CTNND2: variants seen among roughly 807,000 people sequenced by gnomAD.
The protein encoded by CTNND2 is catenin delta 2.
Under a neutral mutation model 144.4 loss-of-function variants are expected in CTNND2, and 22 were observed. The ratio of observed to expected loss-of-function variants is 0.15; its 90% confidence interval spans 0.11 to 0.22. The LOEUF is 0.22. Ranked by LOEUF, CTNND2 falls within the 10% of genes least tolerant of loss-of-function variation. The probability of loss-of-function intolerance (pLI) is 1.00; values close to 1 mark genes in which losing one functional copy is unlikely to be tolerated. For missense variants in CTNND2, 1,353 were observed against 1,618.8 expected, an observed-to-expected ratio of 0.84 and a Z score of 2.82; for synonymous variants, 751 against 695.6, an observed-to-expected ratio of 1.08 and a Z score of -1.25.
chr5:11,567,689 G>A (rs376402296), intron 2 of CTNND2, among the ~76,000 whole-genome samples: 1 of 151,906 alleles, frequency 6.6e-6, no homozygotes, highest in African/African-American at 2.4e-5. Context: ...ATTTCATTTG[G>A]GTCTTTTTTG....
intron 8 of CTNND2, among the ~76,000 whole-genome samples, chr5:11,357,733 A>G (rs1309781751): frequency 6.6e-6 from 1 of 152,188 alleles, no homozygotes; most frequent in Non-Finnish European, 1.5e-5. Context: ...TGATGGATAC[A>G]CACACTGCCC....
chr5:11,893,632 G>A (rs1024553516), intron 1 of CTNND2, among the ~76,000 whole-genome samples: 4 of 152,066 alleles, frequency 2.6e-5, no homozygotes, highest in African/African-American at 4.8e-5. Flanking sequence ...CACATCCATC[G>A]CCTATATTTG....
intron 1 of CTNND2, among the ~76,000 whole-genome samples, chr5:11,891,923 A>G (rs922011415): frequency 2.0e-5 from 3 of 152,208 alleles, no homozygotes; most frequent in Non-Finnish European, 4.4e-5. Flanking sequence ...GGAAATATTT[A>G]TGCCCTTAGG....
intron 2 of CTNND2, among the ~76,000 whole-genome samples, chr5:11,699,012 T>C (rs1052085696): frequency 1.4e-5 from 2 of 144,780 alleles, no homozygotes; most frequent in Admixed American, 6.7e-5. Context: ...GTATTAACTA[T>C]ATATCATATA....
chr5:11,433,639 G>A (rs1763499413), intron 3 of CTNND2, among the ~76,000 whole-genome samples: 1 of 152,058 alleles, frequency 6.6e-6, no homozygotes, highest in Admixed American at 6.5e-5. Flanking sequence ...GTGAGAAAGG[G>A]GTGTGGGTAG....
chr5:11,337,622 G>A (rs1268122197), intron 9 of CTNND2, among the ~76,000 whole-genome samples: 1 of 152,086 alleles, frequency 6.6e-6, no homozygotes, highest in African/African-American at 2.4e-5. Flanking sequence ...CACGAAAGAG[G>A]AAGTAATACA....
At chr5:11,465,337 A>G (rs1165910088) in intron 3 of CTNND2, among the ~76,000 whole-genome samples, 4 of 143,500 alleles carry the variant, frequency 2.8e-5, no homozygotes, top group African/African-American at 1.1e-4. Flanking sequence ...TCCTGTCCCT[A>G]TTGTTATTTT....
At position 11,491,707 on chromosome 5, in the gene CTNND2, A is replaced by C. The variant is rs529920885; in HGVS notation, c.287+73237T>G. 1.5e-3 allele frequency among the ~76,000 whole-genome samples: 233 copies of C among 152,318 alleles called. 2 individuals are homozygous for C. Among genetic ancestry groups the C allele is most frequent in the African/African-American group, 5.4e-3 (226 of 41,564 alleles). On this transcript the variant is annotated intron_variant, in intron 3 of 21. Transcript: ENST00000304623. ...CATCACAGTTACATCTCCTCTTTGCAAGTGCTCTGGTTCCTCGTCGGTGAG... is the reference window on the plus strand; with the variant it reads ...CATCACAGTTACATCTCCTCTTTGCCAGTGCTCTGGTTCCTCGTCGGTGAG...
rs1553988803 is a variant in CTNND2, at chr5:11,879,352, T to TATATATATATATATATATACATAC, written c.37+24464_37+24465insGTATGTATATATATATATATATAT. The stretch of plus-strand genomic sequence containing the variant: ...AAAATTAAATGTGTGTATATATATA[T>TATATATATATATATATATACATAC]ATATACATATACACACACACACAAA... On this transcript the variant is annotated intron_variant, in intron 1 of 21. Coordinates refer to ENST00000304623, the MANE Select transcript of CTNND2 (RefSeq NM_001332.4). 3.1e-3 allele frequency among the ~76,000 whole-genome samples: 431 copies of TATATATATATATATATATACATAC among 137,224 alleles called. 8 individuals are homozygous for TATATATATATATATATATACATAC. Among genetic ancestry groups the TATATATATATATATATATACATAC allele is most frequent in the African/African-American group, 0.011 (414 of 37,118 alleles). The allele number at this position is 137,224 out of a possible 152,430, so 90.0% of individuals were successfully genotyped here.
intron 1 of CTNND2, among the ~76,000 whole-genome samples, chr5:11,799,505 A>G (rs1319998754): frequency 6.6e-6 from 1 of 152,044 alleles, no homozygotes; most frequent in Non-Finnish European, 1.5e-5. Context: ...ATGGCTTTTT[A>G]TCAACTTCTA....
intron 9 of CTNND2, among the ~76,000 whole-genome samples, chr5:11,244,671 G>T (rs188907879): frequency 6.6e-6 from 1 of 152,330 alleles, no homozygotes; most frequent in Non-Finnish European, 1.5e-5. Context: ...TATCTGGAAA[G>T]TAAGCTCAAC....
intron 3 of CTNND2, among the ~76,000 whole-genome samples, chr5:11,477,191 C>T (rs533759239): frequency 9.9e-5 from 15 of 152,236 alleles, no homozygotes; most frequent in South Asian, 4.1e-4. Flanking sequence ...ACAATTATCA[C>T]GGCAATTAAC....
Position 11,072,557 on chromosome 5 carries a change from C to T in CTNND2, c.2788+10139G>A, listed in dbSNP as rs1748449812. The stretch of plus-strand genomic sequence containing the variant: ...TTTCTGGTTATGAGAGAAACAATGT[C>T]CGAATTTCAACTAATTTTCTTGAAT... On this transcript the variant is annotated intron_variant, in intron 16 of 21. Transcript: ENST00000304623. Among the ~76,000 whole-genome samples the T allele has an allele frequency of 2.6e-5, 4 of 152,194 alleles. No homozygotes were observed. In the South Asian group the frequency reaches 8.3e-4, roughly 31 times the overall value.
chr5:11,581,797 C>T (rs1051535136), intron 2 of CTNND2, among the ~76,000 whole-genome samples: 4 of 152,146 alleles, frequency 2.6e-5, no homozygotes, highest in Non-Finnish European at 5.9e-5. Flanking sequence ...AACTTCCTTA[C>T]AATATGCTCA....
At chr5:11,661,413 A>C (rs1783195675) in intron 2 of CTNND2, among the ~76,000 whole-genome samples, 1 of 152,168 alleles carries the variant, frequency 6.6e-6, no homozygotes. Flanking sequence ...TTACTATTTC[A>C]GTTCTGTTAC....
At chr5:11,008,575 TTTC>T (rs1481183407) in intron 18 of CTNND2, among the ~76,000 whole-genome samples, 1 of 152,130 alleles carries the variant, frequency 6.6e-6, no homozygotes, top group Admixed American at 6.5e-5. Context: ...TTAATGTAAT[TTTC>T]TTATCGTCTC....
At chr5:10,985,491 A>G (rs1319768694) in intron 20 of CTNND2, among the ~76,000 whole-genome samples, 2 of 152,238 alleles carry the variant, frequency 1.3e-5, no homozygotes, top group Non-Finnish European at 2.9e-5. Context: ...CTGAACTTCT[A>G]AGAGCTCAGC....
intron 2 of CTNND2, among the ~76,000 whole-genome samples, chr5:11,679,167 G>A (rs1288437498): frequency 6.6e-6 from 1 of 151,894 alleles, no homozygotes; most frequent in Non-Finnish European, 1.5e-5. Flanking sequence ...CCAGTCATGA[G>A]GCACACCCCT....
intron 1 of CTNND2, among the ~76,000 whole-genome samples, chr5:11,886,439 C>T (rs958258823): frequency 2.6e-5 from 4 of 152,066 alleles, no homozygotes; most frequent in Non-Finnish European, 2.9e-5. Context: ...AATTGGAAAA[C>T]GTAAAAGAAA....
Sources: allele counts gnomAD v4.1 joint callset (sites outside exome capture counted in the v4.1 genomes callset), GRCh38; gene constraint gnomAD v4.1.1; transcripts MANE v1.5; gene names NCBI Gene and HGNC (gene_info 2026-07-23, HGNC 2026-07-21).